CATSPERT: variants seen among roughly 807,000 people sequenced by gnomAD.
CATSPERT encodes catsper channel auxiliary subunit tau, also known as cation channel sperm-associated targeting subunit tau.
At chr2:201,547,644 C>A in the CATSPERT span, 601 of 1,139,298 alleles carry the variant, frequency 5.3e-4, 3 homozygotes, top group African/African-American at 8.1e-3. Flanking sequence ...ATGAAAAAAG[C>A]AAGTGATAGA....
the CATSPERT span, among the ~76,000 whole-genome samples, chr2:201,527,629 G>A: frequency 2.0e-5 from 3 of 152,164 alleles, no homozygotes; most frequent in Admixed American, 6.6e-5. Context: ...TCTGATTTTT[G>A]ACAAAGTCGA....
chr2:201,580,164 G>A, the CATSPERT span, among the ~76,000 whole-genome samples: 9 of 152,276 alleles, frequency 5.9e-5, no homozygotes, highest in South Asian at 1.9e-3. Context: ...CATTTTTGAT[G>A]ACGATAAGTC....
chr2:201,601,940 A>G, the CATSPERT span: 1 of 1,296,952 alleles, frequency 7.7e-7, no homozygotes, highest in Non-Finnish European at 1.1e-6. Context: ...ACAATAATAC[A>G]TTATAAAATT....
chr2:201,594,450 A>T, the CATSPERT span, among the ~76,000 whole-genome samples: 247 of 152,060 alleles, frequency 1.6e-3, no homozygotes, highest in Admixed American at 5.1e-3. Flanking sequence ...TCTGACCATT[A>T]TGTGTCTTGG....
the CATSPERT span, chr2:201,558,310 A>G: frequency 6.6e-6 from 1 of 152,264 alleles, no homozygotes; most frequent in Non-Finnish European, 1.5e-5. Context: ...CCATGATGCC[A>G]GCAAGATAGC....
the CATSPERT span, among the ~76,000 whole-genome samples, chr2:201,561,296 TG>T: frequency 6.6e-6 from 1 of 152,140 alleles, no homozygotes; most frequent in Admixed American, 6.5e-5. Flanking sequence ...AACATAATGG[TG>T]GGTAATGTAA....
chr2:201,618,287 TG>T, the CATSPERT span, among the ~76,000 whole-genome samples: 2 of 152,134 alleles, frequency 1.3e-5, no homozygotes, highest in African/African-American at 4.8e-5. Context: ...CTATTCACAA[TG>T]GCAAAGACTA....
the CATSPERT span, chr2:201,547,612 TA>T: frequency 6.9e-7 from 1 of 1,448,284 alleles, no homozygotes; most frequent in Admixed American, 2.2e-5. Context: ...TTTTCCAGCC[TA>T]AAGAAAGAAA....
the CATSPERT span, among the ~76,000 whole-genome samples, chr2:201,611,743 TATCAC>T: frequency 7.9e-5 from 12 of 152,152 alleles, no homozygotes; most frequent in Admixed American, 5.2e-4. Context: ...TTGTGACACT[TATCAC>T]AGATGAATGC....
the CATSPERT span, among the ~76,000 whole-genome samples, chr2:201,575,849 C>A: frequency 6.6e-6 from 1 of 152,160 alleles, no homozygotes; most frequent in Non-Finnish European, 1.5e-5. Context: ...CCCACCCTCC[C>A]CATGCTGGTC....
the CATSPERT span, among the ~76,000 whole-genome samples, chr2:201,544,590 C>A: frequency 6.6e-6 from 1 of 151,842 alleles, no homozygotes; most frequent in Non-Finnish European, 1.5e-5. Context: ...CACTCCTCTA[C>A]ATAAAAGAGA....
At chr2:201,568,991 T>C in the CATSPERT span, among the ~76,000 whole-genome samples, 13 of 152,278 alleles carry the variant, frequency 8.5e-5, no homozygotes, top group African/African-American at 1.4e-4. Context: ...TCCTTACTCA[T>C]TGATGGATCA....
chr2:201,538,664 T>C, the CATSPERT span, among the ~76,000 whole-genome samples: 1 of 152,152 alleles, frequency 6.6e-6, no homozygotes, highest in Admixed American at 6.6e-5. Context: ...GCAAACTTTT[T>C]TTATAAAAAT....
the CATSPERT span, among the ~76,000 whole-genome samples, chr2:201,572,433 A>G: frequency 1.3e-5 from 2 of 152,206 alleles, no homozygotes; most frequent in Non-Finnish European, 2.9e-5. Context: ...AATATCACTG[A>G]AAAGTTCACA....
chr2:201,609,092 GGTC>G, the CATSPERT span, among the ~76,000 whole-genome samples: 1 of 152,024 alleles, frequency 6.6e-6, no homozygotes, highest in Non-Finnish European at 1.5e-5. Flanking sequence ...TTTAAAAAAA[GGTC>G]ATTAGGTCAT....
At chr2:201,546,229 TA>T in the CATSPERT span, among the ~76,000 whole-genome samples, 1 of 152,086 alleles carries the variant, frequency 6.6e-6, no homozygotes, top group Non-Finnish European at 1.5e-5. Context: ...CACAGAGGTA[TA>T]AAAAAATGAA....
At chr2:201,603,130 G>A in the CATSPERT span, 1 of 1,104,186 alleles carries the variant, frequency 9.1e-7, no homozygotes, top group Non-Finnish European at 1.3e-6. Flanking sequence ...AATGTGTTAA[G>A]CCACTAAGTT....
chr2:201,518,997 T>A, the CATSPERT span, among the ~76,000 whole-genome samples: 1 of 152,212 alleles, frequency 6.6e-6, no homozygotes, highest in Non-Finnish European at 1.5e-5. Flanking sequence ...TGATCCAGCA[T>A]ATAACACAAT....
chr2:201,487,500 GAA>G, the CATSPERT span: 1 of 1,016,008 alleles, frequency 9.8e-7, no homozygotes, highest in Non-Finnish European at 1.4e-6. Flanking sequence ...TCACACAAAA[GAA>G]GAGATCTCCA....
Sources: allele counts gnomAD v4.1 joint callset (sites outside exome capture counted in the v4.1 genomes callset), GRCh38; gene constraint gnomAD v4.1.1; transcripts MANE v1.5; gene names NCBI Gene and HGNC (gene_info 2026-07-23, HGNC 2026-07-21).